The following ARMCX4 variants were observed in gnomAD, a reference collection of about 807,000 sequenced individuals.
ARMCX4 encodes the protein armadillo repeat containing X-linked 4, also known as armadillo repeat-containing X-linked protein 4.
ARMCX4 carries 3 observed loss-of-function variants against 34.7 expected under a neutral mutation model. That is an observed-to-expected ratio of 0.09 (90% CI 0.04 to 0.22). The LOEUF (loss-of-function observed/expected upper bound fraction) is 0.22. Ranked by LOEUF, ARMCX4 falls within the 10% of genes least tolerant of loss-of-function variation. ARMCX4 has a pLI of 1.00. For synonymous variants in ARMCX4, 513 were observed against 632.8 expected (o/e 0.81, Z 2.84); for missense variants, 1,448 against 1,720.8 (o/e 0.84, Z 2.81).
intron 2 of ARMCX4, among the ~76,000 whole-genome samples, chrX:101,442,653 C>G (rs184533067): frequency 9.0e-6 from 1 of 111,306 alleles, no homozygotes; most frequent in Admixed American, 9.6e-5. Context: ...TGACCAAAAG[C>G]AGGTCTGCCT....
At chrX:101,458,313 C>G (rs1556000667) in intron 4 of ARMCX4, among the ~76,000 whole-genome samples, 1 of 111,233 alleles carries the variant, frequency 9.0e-6, no homozygotes, top group Non-Finnish European at 1.9e-5. Context: ...CCCTTGATAG[C>G]TTTCTTGCTT....
intron 4 of ARMCX4, among the ~76,000 whole-genome samples, chrX:101,480,123 GACACACACACACAC>G (rs57237822): frequency 1.4e-3 from 108 of 76,690 alleles, no homozygotes; most frequent in African/African-American, 2.3e-3. Flanking sequence ...AGGATTTGGA[GACACACACACACAC>G]ACACACACAC....
intron 7 of ARMCX4, among the ~76,000 whole-genome samples, chrX:101,503,756 A>AGTTTCTTT (rs1186520882): frequency 2.7e-5 from 3 of 110,893 alleles, no homozygotes; most frequent in Non-Finnish European, 3.8e-5. Context: ...CTCTGATGGT[A>AGTTTCTTT]GTTTCTTTTG....
Position 101,490,616 on chromosome X carries a change from C to T in ARMCX4, c.2027C>T (p.Ser676Phe). Residue 676 changes from serine (S) to phenylalanine (F), a missense_variant, in exon 6 of 6, where the codon TCC (serine) becomes TTC (phenylalanine). Physicochemically the swap from Ser to Phe is radical, Grantham distance 155. Around this residue, in one of 2 missense-constraint regions of ARMCX4, gnomAD observed 1,343 missense variants for 1,540.7 expected, o/e 0.87. Transcript: ENST00000423738. ...GCCCAGCTTCAGATTATGGCCAGTTCCAAGGGTGAGGCCTTGCTTGATTCT... is the reference window on the plus strand; with the variant it reads ...GCCCAGCTTCAGATTATGGCCAGTTTCAAGGGTGAGGCCTTGCTTGATTCT... ...GTAQLQIMAS[S>F]KGEALLDSKN... The T allele has an allele frequency of 8.6e-7, 1 of 1,156,069 alleles. No individual in the cohort carries two copies. Among genetic ancestry groups the T allele is most frequent in the Non-Finnish European group, 1.1e-6 (1 of 872,907 alleles).
intron 11 of ARMCX4, among the ~76,000 whole-genome samples, chrX:101,513,854 A>T (rs1934650555): frequency 2.8e-5 from 3 of 108,281 alleles, no homozygotes. Flanking sequence ...ATCACAGGGC[A>T]TGGAAACACT....
In ARMCX4 at chrX:101,490,367, T is replaced by C; in HGVS notation, c.1778T>C (p.Val593Ala). ...AGGGTCTGTGGTCAGCCCCTGGTTG[T>C]GGCCAATCCCCAGGGTGAGGCCTTG... ...DQRVCGQPLV[V>A]ANPQGEALPG... Residue 593 changes from valine (V) to alanine (A), a missense_variant, in exon 6 of 6, where the codon GTG becomes GCG. By Grantham distance (64) the Val-to-Ala change is moderately conservative (BLOSUM62 0). Around this residue, in one of 2 missense-constraint regions of ARMCX4, gnomAD observed 1,343 missense variants for 1,540.7 expected, o/e 0.87. Transcript: ENST00000423738. 8.7e-7 allele frequency: 1 copy of C among 1,151,999 alleles called. No homozygotes were observed. Among genetic ancestry groups the C allele is most frequent in the Non-Finnish European group, 1.1e-6 (1 of 871,291 alleles). The allele number at this position is 1,151,999 out of a possible 1,213,427, so 94.9% of individuals were successfully genotyped here. A position where few individuals can be genotyped will look rare whatever the true frequency, so the allele number is the denominator to read the frequency against.
intron 4 of ARMCX4, among the ~76,000 whole-genome samples, chrX:101,474,383 A>G (rs1367230206): frequency 1.8e-5 from 2 of 110,191 alleles, no homozygotes; most frequent in African/African-American, 6.6e-5. Flanking sequence ...CAGAGGTACA[A>G]GGAGGAACTG....
downstream of ARMCX4, among the ~76,000 whole-genome samples, chrX:101,450,376 A>T (rs1486038480): frequency 1.8e-5 from 2 of 112,116 alleles, no homozygotes; most frequent in Non-Finnish European, 1.9e-5. Flanking sequence ...AAGTACTTCC[A>T]GATTACCATC....
chrX:101,463,542 C>T (rs1421733203), intron 4 of ARMCX4, among the ~76,000 whole-genome samples: 1 of 111,398 alleles, frequency 9.0e-6, no homozygotes, highest in Non-Finnish European at 1.9e-5. Flanking sequence ...GATTGTTATC[C>T]TCATTTTAAA....
chrX:101,449,677 G>A (rs782282529), downstream of ARMCX4, among the ~76,000 whole-genome samples: 9 of 112,092 alleles, frequency 8.0e-5, no homozygotes, highest in East Asian at 1.1e-3. Context: ...CTGTCTAAAA[G>A]ATAGCATGTC....
intron 4 of ARMCX4, among the ~76,000 whole-genome samples, chrX:101,458,437 A>G (rs898493077): frequency 1.8e-5 from 2 of 111,148 alleles, no homozygotes; most frequent in Non-Finnish European, 3.8e-5. Context: ...GGAAATAAAA[A>G]CTACCCTTGC....
At chrX:101,440,325 C>T (rs966578043) in intron 2 of ARMCX4, among the ~76,000 whole-genome samples, 29 of 111,626 alleles carry the variant, frequency 2.6e-4, no homozygotes, top group African/African-American at 7.8e-4. Flanking sequence ...GCTGCCTGAT[C>T]GTTCCTCTGG....
intron 2 of ARMCX4, chrX:101,443,893 A>C: frequency 2.6e-6 from 1 of 379,002 alleles, no homozygotes; most frequent in South Asian, 2.6e-5. Flanking sequence ...AGATGCCAGG[A>C]CCTGTATGCT....
In ARMCX4 at chrX:101,493,038, TGGA is replaced by T. The variant is rs1556010157; in HGVS notation, c.4451_4453del (p.Gly1484del). On this transcript the variant is annotated inframe_deletion, in exon 6 of 6. Coordinates refer to ENST00000423738, the MANE Select transcript of ARMCX4 (RefSeq NM_001256155.3). Reference sequence around the variant, plus strand: ...GGGCTGATGCCAGGGAGCAGGTTGTTGGAGATTCTAGGCTGGGGCTTAGGGACC... The same window carrying T: ...GGGCTGATGCCAGGGAGCAGGTTGTTGATTCTAGGCTGGGGCTTAGGGACC... 3.5e-6 allele frequency: 4 copies of T among 1,153,573 alleles called. No homozygotes were observed. Among genetic ancestry groups the T allele is most frequent in the Non-Finnish European group, 4.6e-6 (4 of 872,236 alleles).
At chrX:101,448,258 G>A (rs1415327884), downstream of ARMCX4, among the ~76,000 whole-genome samples, 2 of 112,003 alleles carry the variant, frequency 1.8e-5, no homozygotes, top group Non-Finnish European at 3.8e-5. Flanking sequence ...GGACACTTAG[G>A]TTGCTTCCAA....
rs189393950 is a variant in ARMCX4, at chrX:101,438,104, G to T, written n.165-5948G>T. 4.4e-4 allele frequency among the ~76,000 whole-genome samples: 49 copies of T among 111,648 alleles called. 2 individuals carry two copies. The East Asian group carries it at 0.011, about 25-fold the overall frequency. ...CAAGTATGTGGTCAATTTTGGAATA[G>T]GTGTGGTGTGGTGCTGAAAAGAATG... On this transcript the variant is annotated intron_variant and non_coding_transcript_variant, in intron 2 of 3. Transcript: ENST00000430461.
chrX:101,477,972 G>C (rs1933274617), intron 4 of ARMCX4, among the ~76,000 whole-genome samples: 1 of 111,879 alleles, frequency 8.9e-6, no homozygotes, highest in Non-Finnish European at 1.9e-5. Flanking sequence ...TCTAGGAATA[G>C]AAGTTTCCTT....
At chrX:101,534,789 A>G, downstream of ARMCX4, among the ~76,000 whole-genome samples, 1 of 111,752 alleles carries the variant, frequency 8.9e-6, no homozygotes, top group Non-Finnish European at 1.9e-5. Context: ...TTTACTTAAC[A>G]TCCAATCCAG....
Position 101,495,004 on chromosome X carries a change from A to G in ARMCX4, c.6415A>G (p.Asn2139Asp). The change falls in exon 6 of 6, where the codon AAT becomes GAT. Residue 2139 changes from asparagine to aspartate, a missense_variant. Coordinates refer to ENST00000423738, the MANE Select transcript of ARMCX4 (RefSeq NM_001256155.3). ...CACTGTCACCTATCCCTTGAATTCA[A>G]ATGTGCAGTTGGCTGGACTAAGGTT... ...EDTVTYPLNSNVQLAGLRLIR... is the reference protein window; with the variant it reads ...EDTVTYPLNSDVQLAGLRLIR... 8.7e-7 allele frequency: 1 copy of G among 1,155,427 alleles called. No homozygotes were observed. Among genetic ancestry groups the G allele is most frequent in the Non-Finnish European group, 1.1e-6 (1 of 872,315 alleles).
Sources: allele counts gnomAD v4.1 joint callset (sites outside exome capture counted in the v4.1 genomes callset), GRCh38; gene constraint gnomAD v4.1.1; regional missense constraint gnomAD v4.1.1; transcripts MANE v1.5; gene names NCBI Gene and HGNC (gene_info 2026-07-23, HGNC 2026-07-21).